MAST2: variants seen among roughly 807,000 people sequenced by gnomAD.
The protein encoded by MAST2 is microtubule-associated serine/threonine-protein kinase 2.
MAST2 carries 70 observed loss-of-function variants against 147.4 expected under a neutral mutation model. That is an observed-to-expected ratio of 0.47 (90% CI 0.39 to 0.58). MAST2 has a LOEUF of 0.58. Among genes scored for constraint, MAST2 ranks in the 20% least tolerant of loss-of-function variants. The pLI, the probability that MAST2 is intolerant of heterozygous loss-of-function variation, is 0.00. For synonymous variants in MAST2, 869 were observed against 896.8 expected, an observed-to-expected ratio of 0.97 and a Z score of 0.55; for missense variants, 2,080 against 2,302.3, an observed-to-expected ratio of 0.90 and a Z score of 1.98.
At chr1:45,843,593 G>A (rs899475201) in intron 3 of MAST2, among the ~76,000 whole-genome samples, 2 of 152,094 alleles carry the variant, frequency 1.3e-5, no homozygotes, top group African/African-American at 4.8e-5. Context: ...CCATGGGAGA[G>A]AGTAAAGAGA....
chr1:45,834,548 A>G (rs1300194307), intron 3 of MAST2, among the ~76,000 whole-genome samples: 1 of 152,124 alleles, frequency 6.6e-6, no homozygotes. Flanking sequence ...CATATTATTT[A>G]TTATATGTTC....
chr1:45,870,431 A>G (rs1207220803), intron 3 of MAST2, among the ~76,000 whole-genome samples: 1 of 151,646 alleles, frequency 6.6e-6, no homozygotes, highest in Non-Finnish European at 1.5e-5. Flanking sequence ...CCTACTTTTC[A>G]TCTTGAGGTA....
At chr1:45,847,024 C>A in intron 3 of MAST2, 5 of 351,734 alleles carry the variant, frequency 1.4e-5, no homozygotes, top group South Asian at 1.0e-4. Flanking sequence ...TCTTCTGAGT[C>A]ATTTGATTCA....
intron 3 of MAST2, among the ~76,000 whole-genome samples, chr1:45,861,868 A>G (rs1286096314): frequency 6.6e-6 from 1 of 152,154 alleles, no homozygotes. Flanking sequence ...AATTGTTCCT[A>G]CAAAGGGTAC....
At chr1:45,806,740 G>C (rs967840682) in intron 1 of MAST2, among the ~76,000 whole-genome samples, 9 of 152,096 alleles carry the variant, frequency 5.9e-5, no homozygotes, top group African/African-American at 2.2e-4. Context: ...ACCATGCCTG[G>C]CTAATTCTCT....
chr1:45,859,218 A>G (rs1043830848), intron 3 of MAST2, among the ~76,000 whole-genome samples: 9 of 152,072 alleles, frequency 5.9e-5, no homozygotes, highest in African/African-American at 1.9e-4. Context: ...TCTCAGCCTG[A>G]TGAGTAGCTG....
intron 5 of MAST2, among the ~76,000 whole-genome samples, chr1:45,988,073 C>T (rs546018452): frequency 5.3e-5 from 8 of 152,204 alleles, no homozygotes; most frequent in Admixed American, 4.6e-4. Flanking sequence ...AGTGCAGTAG[C>T]CTGATCATAG....
In MAST2 at chr1:46,034,207, G is replaced by A. The variant is rs780371243; in HGVS notation, c.3809G>A (p.Ser1270Asn). The A allele has an allele frequency of 6.2e-7, 1 of 1,614,126 alleles. No homozygotes were observed. Among genetic ancestry groups the A allele is most frequent in the Non-Finnish European group, 8.5e-7 (1 of 1,180,004 alleles). The change falls in exon 28 of 29, where the codon AGC becomes AAC. Residue 1270 changes from serine (S) to asparagine (N), a missense_variant. By Grantham distance (46) the Ser-to-Asn change is conservative (BLOSUM62 1). This residue lies in a region of MAST2 where 1,278 missense variants were observed against 1,304.2 expected (regional missense o/e 0.98). Transcript: ENST00000361297. ...SGPGSPTHSH[S>N]LSPRSPTQGY... is the part of the protein sequence containing the mutation. Reference sequence around the variant, plus strand: ...CCAGGCTCTCCCACACACAGCCACAGCCTTTCCCCCCGATCTCCCACTCAA... The same window carrying A: ...CCAGGCTCTCCCACACACAGCCACAACCTTTCCCCCCGATCTCCCACTCAA...
intron 3 of MAST2, among the ~76,000 whole-genome samples, chr1:45,832,010 C>T (rs1644972812): frequency 6.6e-6 from 1 of 151,906 alleles, no homozygotes; most frequent in South Asian, 2.1e-4. Flanking sequence ...GAACTCCTGA[C>T]CTCAAGTGAT....
chr1:45,960,531 A>G (rs898335746), intron 5 of MAST2, among the ~76,000 whole-genome samples: 14 of 152,126 alleles, frequency 9.2e-5, no homozygotes, highest in Admixed American at 6.6e-5. Flanking sequence ...AAGAAAAGAA[A>G]TACGAGGCTT....
At chr1:45,940,398 C>G (rs1310906106) in intron 4 of MAST2, among the ~76,000 whole-genome samples, 1 of 151,994 alleles carries the variant, frequency 6.6e-6, no homozygotes, top group Non-Finnish European at 1.5e-5. Context: ...ATTTCTAATG[C>G]TATTGTGAGT....
chr1:46,033,583 C>A (rs1334736358), intron 26 of MAST2, among the ~76,000 whole-genome samples: 2 of 152,176 alleles, frequency 1.3e-5, no homozygotes, highest in African/African-American at 4.8e-5. Flanking sequence ...GACGGATTAG[C>A]CTGTTTTCTA....
At chr1:45,862,000 T>C (rs1380503915) in intron 3 of MAST2, among the ~76,000 whole-genome samples, 1 of 152,240 alleles carries the variant, frequency 6.6e-6, no homozygotes, top group East Asian at 1.9e-4. Flanking sequence ...GCAGTCTTGA[T>C]TTCCTTCCAC....
intron 4 of MAST2, among the ~76,000 whole-genome samples, chr1:45,896,852 A>G (rs1648820915): frequency 6.6e-6 from 1 of 152,220 alleles, no homozygotes. Flanking sequence ...CCAGTACATC[A>G]TATTGTATGA....
intron 4 of MAST2, among the ~76,000 whole-genome samples, chr1:45,937,903 T>C (rs1167750777): frequency 2.0e-5 from 3 of 152,186 alleles, no homozygotes; most frequent in African/African-American, 7.2e-5. Context: ...TATAATTATG[T>C]ATTGTCACCA....
chr1:45,941,300 C>T (rs1198411962), intron 4 of MAST2, among the ~76,000 whole-genome samples: 1 of 152,256 alleles, frequency 6.6e-6, no homozygotes, highest in African/African-American at 2.4e-5. Flanking sequence ...TGCTCTGTCA[C>T]CCAGGGTAGA....
In MAST2 at chr1:46,023,618, A is replaced by AC. The variant is rs1460391043; in HGVS notation, c.1572-152dup. ...ATCAAGAAGTTTAAGAGTTCTATGG[A>AC]CCAGGGGGTCCCAGACCCTTCTCAC... On this transcript the variant is annotated intron_variant, in intron 14 of 28. Transcript: ENST00000361297. The surrounding 1 kb of genome is among the most constrained non-coding windows in gnomAD (Gnocchi z 4.9). 3 of 688,520 alleles carry AC rather than the reference A, an allele frequency of 4.4e-6. No individual in the cohort carries two copies. The African/African-American group carries it at 5.4e-5, about 12-fold the overall frequency. 42.7% of individuals were successfully genotyped at this position (688,520 alleles called of 1,614,324 possible).
chr1:46,023,401 G>C lies in MAST2; in HGVS notation c.1571+83G>C. ...TCCATGTGAGAGTGTATGCTGCCCA[G>C]TCCTCTGGGCAGATGCCTCGGGGTG... On this transcript the variant is annotated intron_variant, in intron 14 of 28. Transcript: ENST00000361297. The surrounding 1 kb of genome is among the most constrained non-coding windows in gnomAD (Gnocchi z 4.9). The C allele has an allele frequency of 7.5e-7, 1 of 1,328,300 alleles. No homozygotes were observed. Among genetic ancestry groups the C allele is most frequent in the Non-Finnish European group, 1.1e-6 (1 of 922,410 alleles). The allele number at this position is 1,328,300 out of a possible 1,614,324, so 82.3% of individuals were successfully genotyped here.
intron 3 of MAST2, among the ~76,000 whole-genome samples, chr1:45,840,040 T>A (rs1645225765): frequency 3.9e-5 from 6 of 152,174 alleles, no homozygotes; most frequent in Admixed American, 3.9e-4. Context: ...AGAAAATTTT[T>A]GTGATTTTAG....
Sources: gnomAD v4.1 joint callset for allele counts (sites outside exome capture counted in the v4.1 genomes callset) on GRCh38, gnomAD v4.1.1 for gene constraint, gnomAD v4.1.1 regional missense constraint, Gnocchi (gnomAD v3.1) non-coding constraint, MANE v1.5 for transcripts, NCBI Gene and HGNC (gene_info 2026-07-23, HGNC 2026-07-21) for gene names.